ITPRIP: variants seen among roughly 807,000 people sequenced by gnomAD.
ITPRIP encodes inositol 1,4,5-trisphosphate receptor interacting protein.
A neutral mutation model predicts 35.8 loss-of-function variants in ITPRIP; 32 were observed. That is an observed-to-expected ratio of 0.89 (90% CI 0.68 to 1.20). The LOEUF (loss-of-function observed/expected upper bound fraction) is 1.20. Among genes scored for constraint, ITPRIP ranks in the 50% most tolerant of loss-of-function variants. The probability of loss-of-function intolerance (pLI) is 0.00; values close to 1 mark genes in which losing one functional copy is unlikely to be tolerated. For missense variants in ITPRIP, 653 were observed against 735.6 expected, an observed-to-expected ratio of 0.89 and a Z score of 1.30; for synonymous variants, 358 against 324.0, an observed-to-expected ratio of 1.11 and a Z score of -1.13.
At position 104,322,699 on chromosome 10, in the gene ITPRIP, T is replaced by C. The variant is rs547335522; in HGVS notation, c.-13-6635A>G. ...ACAGCCTGACAGATGCAATTAGCTC[T>C]GCTAATTACAACAGCAAAAGAAGGC... On this transcript the variant is annotated intron_variant, in intron 1 of 1. Coordinates refer to ENST00000337478, the MANE Select transcript of ITPRIP (RefSeq NM_001272013.2). 1.8e-4 allele frequency among the ~76,000 whole-genome samples: 28 copies of C among 152,352 alleles called. 1 individual carries two copies. In the South Asian group the frequency reaches 5.8e-3, roughly 32 times the overall value.
Position 104,314,561 on chromosome 10 carries a change from G to C in ITPRIP, c.1491C>G (p.Ala497=), listed in dbSNP as rs774517904. The change falls in exon 2 of 2, where the codon GCC becomes GCG. Residue 497 remains alanine (A), a synonymous_variant. Transcript: ENST00000337478. ...AGGGCCGGAAGAGGTTGAGGGGCTC[G>C]GCCCTGAGCACGGCCTCAGGGAGTC... The part of the protein sequence containing the change: ...AMGLPEAVLR[A]EPLNLFRPFV... 6.2e-7 allele frequency: 1 copy of C among 1,614,124 alleles called. No homozygotes were observed. The highest frequency in any genetic ancestry group is 2.2e-5 in the East Asian group (1 of 44,870).
rs1379404347 is a variant in ITPRIP, at chr10:104,309,851, C to G, written c.*4557G>C. 6.6e-6 allele frequency: 1 copy of G among 152,052 alleles called. No individual in the cohort carries two copies. 9.4% of individuals were successfully genotyped at this position (152,052 alleles called of 1,614,324 possible). A position where few individuals can be genotyped will look rare whatever the true frequency, so the allele number is the denominator to read the frequency against. On this transcript the variant is annotated 3_prime_UTR_variant, in exon 2 of 2. Coordinates refer to ENST00000337478, the MANE Select transcript of ITPRIP (RefSeq NM_001272013.2). Reference sequence around the variant, plus strand: ...GTGGACTAAGAAGTCAGAAGTGGGACCGTTAGTCTGTTACTTAATTTTCCT... The same window carrying G: ...GTGGACTAAGAAGTCAGAAGTGGGAGCGTTAGTCTGTTACTTAATTTTCCT...
In ITPRIP at chr10:104,313,220, C is replaced by T; in HGVS notation, c.*1188G>A. 3 of 985,590 alleles carry T rather than the reference C, an allele frequency of 3.0e-6. No individual in the cohort carries two copies. The highest frequency in any genetic ancestry group is 3.6e-6 in the Non-Finnish European group (3 of 830,050). The allele number at this position is 985,590 out of a possible 1,614,324, so 61.1% of individuals were successfully genotyped here. On this transcript the variant is annotated 3_prime_UTR_variant, in exon 2 of 2. Transcript: ENST00000337478. The stretch of plus-strand genomic sequence containing the variant: ...CCTAGGATTGGGACCCTGAGGACAA[C>T]CTGGGGCTATGACATCCTTGGCCCC...
chr10:104,328,666 A>G lies in ITPRIP; in HGVS notation c.-14+9580T>C, dbSNP rs1193444492. Among the ~76,000 whole-genome samples, 1 of 151,808 alleles carries G rather than the reference A, an allele frequency of 6.6e-6. No individual in the cohort carries two copies. The highest frequency in any genetic ancestry group is 1.9e-4 in the East Asian group (1 of 5,170). ...ACTTTCCCCCTTTCACTGAGAAACT[A>G]GGATGGATGGAATTAAATAAAGGGC... On this transcript the variant is annotated intron_variant, in intron 1 of 1. Transcript: ENST00000337478. The surrounding 1 kb of genome is among the most constrained non-coding windows in gnomAD (Gnocchi z 4.1).
chr10:104,328,250 C>G lies in ITPRIP; in HGVS notation c.-14+9996G>C, dbSNP rs1296059539. ...TGCGCCCTCACCACTTCCCGTTGTC[C>G]TACATTGGCTTGGTCTGGGCTCGTA... is the stretch of plus-strand genomic sequence containing the variant. On this transcript the variant is annotated intron_variant, in intron 1 of 1. Transcript: ENST00000337478. The surrounding 1 kb of genome is among the most constrained non-coding windows in gnomAD (Gnocchi z 4.1). The G allele has an allele frequency of 3.0e-6, 3 of 985,304 alleles. No individual in the cohort carries two copies. The highest frequency in any genetic ancestry group is 3.6e-6 in the Non-Finnish European group (3 of 829,938). 61.0% of individuals were successfully genotyped at this position (985,304 alleles called of 1,614,324 possible).
rs895507418 is a variant in ITPRIP at position 104,333,771 on chromosome 10, A to T, written c.-14+4475T>A. 1 of 152,300 alleles carries T rather than the reference A, an allele frequency of 6.6e-6. No individual in the cohort carries two copies. The highest frequency in any genetic ancestry group is 2.4e-5 in the African/African-American group (1 of 41,460). 9.4% of individuals were successfully genotyped at this position (152,300 alleles called of 1,614,324 possible). On this transcript the variant is annotated intron_variant, in intron 1 of 1. Transcript: ENST00000337478. The surrounding 1 kb of genome is among the most constrained non-coding windows in gnomAD (Gnocchi z 4.1). The stretch of plus-strand genomic sequence containing the variant: ...AGGATAGATGTCCTCCCCGTCTAGG[A>T]CAGTCTAGGTCCCTACAGCCTTGTC...
In ITPRIP at chr10:104,315,128, G is replaced by A. The variant is rs2013617600; in HGVS notation, c.924C>T (p.Leu308=). ...MQVMKWFQTA[L]TRAWKGIAHK... is the part of the protein sequence containing the mutation. Reference sequence around the variant, plus strand: ...GGGCGATGCCCTTCCAGGCTCTGGTGAGGGCCGTCTGGAACCACTTCATGA... The same window carrying A: ...GGGCGATGCCCTTCCAGGCTCTGGTAAGGGCCGTCTGGAACCACTTCATGA... Residue 308 remains leucine, a synonymous_variant, in exon 2 of 2, where the codon CTC becomes CTT. Transcript: ENST00000337478. The surrounding 1 kb of genome is among the most constrained non-coding windows in gnomAD (Gnocchi z 5.7). The A allele has an allele frequency of 1.2e-6, 2 of 1,614,132 alleles. No individual in the cohort carries two copies.
intron 1 of ITPRIP, among the ~76,000 whole-genome samples, chr10:104,325,108 T>G (rs1266963272): frequency 1.3e-5 from 2 of 152,180 alleles, no homozygotes; most frequent in Non-Finnish European, 2.9e-5. Context: ...TGGTCCCAGC[T>G]ACTCAGGAGG....
At position 104,338,435 on chromosome 10, in the gene ITPRIP, C is replaced by T. The variant is rs892272489; in HGVS notation, c.-203G>A. 1 of 152,288 alleles carries T rather than the reference C, an allele frequency of 6.6e-6. No individual in the cohort carries two copies. Among genetic ancestry groups the T allele is most frequent in the Non-Finnish European group, 1.5e-5 (1 of 68,070 alleles). 9.4% of individuals were successfully genotyped at this position (152,288 alleles called of 1,614,324 possible). A position where few individuals can be genotyped will look rare whatever the true frequency, so the allele number is the denominator to read the frequency against. ...CCACCTTCTGGCCTGCAGCGGCCGG[C>T]TCTACTGAACTTCAGAGTTACTCAT... On this transcript the variant is annotated 5_prime_UTR_variant, in exon 1 of 2. Coordinates refer to ENST00000337478, the MANE Select transcript of ITPRIP (RefSeq NM_001272013.2).
rs1236094239 is a variant in ITPRIP, at chr10:104,315,228, C to T, written c.824G>A (p.Ser275Asn). Residue 275 changes from serine to asparagine, a missense_variant, in exon 2 of 2, where the codon AGC (serine) becomes AAC (asparagine). By Grantham distance (46) the Ser-to-Asn change is conservative (BLOSUM62 1). Coordinates refer to ENST00000337478, the MANE Select transcript of ITPRIP (RefSeq NM_001272013.2). This position sits in a 1 kb window ranked among gnomAD's most constrained non-coding sequence, Gnocchi z 5.7. ...CATGTCGCCGCAGGGAGGCGCCATG[C>T]TGTTCCTGCCGTGCAGGAGACACAG... is the stretch of plus-strand genomic sequence containing the variant. ...DMLCLLHGRN[S>N]MAPPCGDMEN... 2.5e-6 allele frequency: 4 copies of T among 1,613,564 alleles called. No homozygotes were observed. The highest frequency in any genetic ancestry group is 3.4e-6 in the Non-Finnish European group (4 of 1,179,780).
intron 1 of ITPRIP, 127 bp downstream of exon 1, chr10:104,338,119 G>A (rs564682435): frequency 6.5e-6 from 1 of 152,860 alleles, no homozygotes; most frequent in Admixed American, 6.5e-5. Context: ...GGAGGAGCAG[G>A]CGCCCGCGCT....
intron 1 of ITPRIP, among the ~76,000 whole-genome samples, chr10:104,325,884 T>A (rs1341974369): frequency 6.6e-6 from 1 of 152,170 alleles, no homozygotes; most frequent in Non-Finnish European, 1.5e-5. Context: ...AGTGGGATGC[T>A]GGGCTCAGAA....
rs1346657852 is a variant in ITPRIP at position 104,311,656 on chromosome 10, C to T, written c.*2752G>A. ...AGGGGCCAACTCTATTCATTTCACC[C>T]TTGTTATTTTGCAAAGCAAGTGAGC... is the stretch of plus-strand genomic sequence containing the variant. On this transcript the variant is annotated 3_prime_UTR_variant, in exon 2 of 2. Transcript: ENST00000337478. 6.6e-6 allele frequency: 1 copy of T among 152,250 alleles called. No homozygotes were observed. The highest frequency in any genetic ancestry group is 2.4e-5 in the African/African-American group (1 of 41,458). 9.4% of individuals were successfully genotyped at this position (152,250 alleles called of 1,614,324 possible). A position where few individuals can be genotyped will look rare whatever the true frequency, so the allele number is the denominator to read the frequency against.
chr10:104,319,315 T>G (rs2013781532), intron 1 of ITPRIP, among the ~76,000 whole-genome samples: 1 of 152,236 alleles, frequency 6.6e-6, no homozygotes, highest in Non-Finnish European at 1.5e-5. Context: ...CCTCAGCATC[T>G]ACAGGCTTCT....
intron 1 of ITPRIP, among the ~76,000 whole-genome samples, chr10:104,337,423 G>A (rs2014259049): frequency 6.6e-6 from 1 of 152,192 alleles, no homozygotes; most frequent in South Asian, 2.1e-4. Flanking sequence ...CCAGCAGAGG[G>A]GCAAAAGGCA....
chr10:104,321,675 A>G (rs951644807), intron 1 of ITPRIP, among the ~76,000 whole-genome samples: 7 of 150,042 alleles, frequency 4.7e-5, no homozygotes, highest in Non-Finnish European at 8.9e-5. Flanking sequence ...CACTGCACAC[A>G]CTAACCACTG....
rs1449960500 is a variant in ITPRIP, at chr10:104,312,783, C to T, written c.*1625G>A. ...ACTCCTGGGGATGGGGGAAGGATCTCCTTCCTTCAGTTTGTGGGGTAACTG... is the reference window on the plus strand; with the variant it reads ...ACTCCTGGGGATGGGGGAAGGATCTTCTTCCTTCAGTTTGTGGGGTAACTG... On this transcript the variant is annotated 3_prime_UTR_variant, in exon 2 of 2. Transcript: ENST00000337478. The T allele has an allele frequency of 1.0e-6, 1 of 985,208 alleles. No homozygotes were observed. Among genetic ancestry groups the T allele is most frequent in the Non-Finnish European group, 1.2e-6 (1 of 829,950 alleles). 61.0% of individuals were successfully genotyped at this position (985,208 alleles called of 1,614,324 possible). A position where few individuals can be genotyped will look rare whatever the true frequency, so the allele number is the denominator to read the frequency against.
At chr10:104,330,859 C>T (rs1347144132) in intron 1 of ITPRIP, among the ~76,000 whole-genome samples, 1 of 152,236 alleles carries the variant, frequency 6.6e-6, no homozygotes, top group Non-Finnish European at 1.5e-5. Context: ...TGAATCCAAA[C>T]CTATCTGACT....
chr10:104,319,734 C>G (rs912635591), intron 1 of ITPRIP, among the ~76,000 whole-genome samples: 2 of 151,996 alleles, frequency 1.3e-5, no homozygotes, highest in Non-Finnish European at 2.9e-5. Context: ...CCTTCCCAAA[C>G]CCAGTCACAG....
Sources: allele counts gnomAD v4.1 joint callset (sites outside exome capture counted in the v4.1 genomes callset), GRCh38; gene constraint gnomAD v4.1.1; non-coding constraint Gnocchi (gnomAD v3.1); transcripts MANE v1.5; gene names NCBI Gene and HGNC (gene_info 2026-07-23, HGNC 2026-07-21).